The following PXDNL variants were observed in gnomAD, a reference collection of about 807,000 sequenced individuals.
PXDNL encodes the protein probable oxidoreductase PXDNL.
PXDNL carries 145 observed loss-of-function variants against 150.8 expected under a neutral mutation model. That is an observed-to-expected ratio of 0.96 (90% CI 0.84 to 1.10). PXDNL has a LOEUF of 1.10. PXDNL is among the 50% of genes least tolerant of loss of function. The probability of loss-of-function intolerance (pLI) is 0.00; values close to 1 mark genes in which losing one functional copy is unlikely to be tolerated. For missense variants in PXDNL, 2,087 were observed against 1,873.9 expected (o/e 1.11, Z -2.10); for synonymous variants, 757 against 725.7 (o/e 1.04, Z -0.69).
intron 4 of PXDNL, among the ~76,000 whole-genome samples, chr8:51,549,319 G>A (rs1403054749): frequency 6.6e-6 from 1 of 151,830 alleles, no homozygotes; most frequent in African/African-American, 2.4e-5. Context: ...TATACCCTAG[G>A]AAAAATGGAC....
chr8:51,411,286 C>CACGTT lies in PXDNL; in HGVS notation c.2021_2025dup (p.Val676AsnfsTer3). The CACGTT allele has an allele frequency of 6.5e-7, 1 of 1,542,814 alleles. No individual in the cohort carries two copies. The highest frequency in any genetic ancestry group is 8.7e-7 in the Non-Finnish European group (1 of 1,148,450). On this transcript the variant is annotated frameshift_variant, in exon 16 of 23. Coordinates refer to ENST00000356297, the MANE Select transcript of PXDNL (RefSeq NM_144651.5). LOFTEE classifies it high-confidence loss of function. ...AAGTCCACAGTGAGCCCCTGCTTCA[C>CACGTT]ACGTTCCCGTATCAGCTGCAGCGTG... is the stretch of plus-strand genomic sequence containing the variant.
intron 4 of PXDNL, among the ~76,000 whole-genome samples, chr8:51,518,602 G>C (rs1811594159): frequency 6.6e-6 from 1 of 152,096 alleles, no homozygotes; most frequent in Non-Finnish European, 1.5e-5. Flanking sequence ...TCAGTGATGG[G>C]AAAATAGCAT....
Position 51,408,768 on chromosome 8 carries a change from G to A in PXDNL, c.2856C>T (p.Pro952=), listed in dbSNP as rs770597119. Residue 952 remains proline, a synonymous_variant, in exon 17 of 23, where the codon CCC becomes CCT. Transcript: ENST00000356297. ...CCCGGTGGTCCCCGGCCAGGAAACA[G>A]GGGCTCTCCTGCTCCTGTCGCGCGC... ...TECARQEQES[P]CFLAGDHRAN... is the part of the protein sequence containing the mutation. 1.9e-6 allele frequency: 3 copies of A among 1,586,148 alleles called. No homozygotes were observed. The highest frequency in any genetic ancestry group is 1.7e-6 in the Non-Finnish European group (2 of 1,166,740).
chr8:51,759,530 C>T (rs749098017), intron 1 of PXDNL, among the ~76,000 whole-genome samples: 12 of 152,142 alleles, frequency 7.9e-5, no homozygotes, highest in African/African-American at 2.4e-4. Flanking sequence ...AAAATAGGCA[C>T]GCCCTAAATA....
In PXDNL at chr8:51,744,928, A is replaced by AAAAG. The variant is rs1193132745; in HGVS notation, c.164+64249_164+64252dup. 5.0e-3 allele frequency among the ~76,000 whole-genome samples: 441 copies of AAAAG among 88,296 alleles called. 6 individuals carry two copies. The highest frequency in any genetic ancestry group is 0.019 in the African/African-American group (412 of 21,702). 57.9% of individuals were successfully genotyped at this position (88,296 alleles called of 152,430 possible). ...AAGGAAGGAAGGAAGGAAAGAAAGA[A>AAAAG]AAAGAAAGAAAGAAAGAAAGAAAGA... On this transcript the variant is annotated intron_variant, in intron 1 of 22. Transcript: ENST00000356297.
At chr8:51,753,968 C>G (rs1426771256) in intron 1 of PXDNL, among the ~76,000 whole-genome samples, 1 of 152,174 alleles carries the variant, frequency 6.6e-6, no homozygotes, top group African/African-American at 2.4e-5. Context: ...AATTATGTAT[C>G]TCGATTATCA....
At chr8:51,800,674 T>C (rs2037609116) in intron 1 of PXDNL, among the ~76,000 whole-genome samples, 1 of 152,232 alleles carries the variant, frequency 6.6e-6, no homozygotes. Context: ...AAATTAATAC[T>C]TTCATAATTT....
At chr8:51,369,568 A>G (rs757111937) in intron 19 of PXDNL, among the ~76,000 whole-genome samples, 5 of 152,110 alleles carry the variant, frequency 3.3e-5, no homozygotes, top group African/African-American at 4.8e-5. Flanking sequence ...CAAACATTAC[A>G]TTAGGATTGG....
intron 3 of PXDNL, among the ~76,000 whole-genome samples, chr8:51,576,984 A>G (rs1813069170): frequency 6.6e-6 from 1 of 151,984 alleles, no homozygotes; most frequent in Non-Finnish European, 1.5e-5. Context: ...ATAACTATTT[A>G]AAAAATTGAA....
At chr8:51,665,260 C>T (rs759704381) in intron 1 of PXDNL, among the ~76,000 whole-genome samples, 6 of 152,176 alleles carry the variant, frequency 3.9e-5, no homozygotes, top group Admixed American at 1.3e-4. Context: ...AGCGAACCCG[C>T]GGTGGGTCTC....
At position 51,423,682 on chromosome 8, in the gene PXDNL, C is replaced by T. The variant is rs746776828; in HGVS notation, c.1688G>A (p.Gly563Asp). Residue 563 changes from glycine (G) to aspartate (D), a missense_variant, in exon 14 of 23, where the codon GGC becomes GAC. Coordinates refer to ENST00000356297, the MANE Select transcript of PXDNL (RefSeq NM_144651.5). ...CCCTGCGTCGTAGATAGTCAGCGTG[C>T]CTTCATCATCCACATGGAATTTACC... ...ESGKFHVDDEGTLTIYDAGFP... is the reference protein window; with the variant it reads ...ESGKFHVDDEDTLTIYDAGFP... 4 of 1,613,788 alleles carry T rather than the reference C, an allele frequency of 2.5e-6. No individual in the cohort carries two copies. The highest frequency in any genetic ancestry group is 1.7e-6 in the Non-Finnish European group (2 of 1,179,758).
chr8:51,526,384 G>A (rs2130407566), intron 4 of PXDNL, among the ~76,000 whole-genome samples: 1 of 151,596 alleles, frequency 6.6e-6, no homozygotes, highest in South Asian at 2.1e-4. Context: ...GACAGCCTAC[G>A]AGGTCAGTGC....
intron 12 of PXDNL, chr8:51,436,200 A>G: frequency 1.9e-6 from 1 of 522,296 alleles, no homozygotes; most frequent in East Asian, 5.4e-5. Context: ...CCAAAAGCCA[A>G]CCATTCGTGG....
At chr8:51,802,864 A>G (rs2037635333) in intron 1 of PXDNL, among the ~76,000 whole-genome samples, 1 of 152,236 alleles carries the variant, frequency 6.6e-6, no homozygotes, top group African/African-American at 2.4e-5. Flanking sequence ...TTATAGTGGT[A>G]CCTATTTGTT....
At chr8:51,795,109 T>A (rs998693010) in intron 1 of PXDNL, among the ~76,000 whole-genome samples, 5 of 152,160 alleles carry the variant, frequency 3.3e-5, no homozygotes, top group Admixed American at 6.5e-5. Flanking sequence ...CCTAAATGTA[T>A]ATGCACAAAA....
intron 1 of PXDNL, among the ~76,000 whole-genome samples, chr8:51,778,710 C>T (rs956741485): frequency 1.3e-5 from 2 of 152,182 alleles, no homozygotes; most frequent in African/African-American, 2.4e-5. Flanking sequence ...ACATCCAGCT[C>T]GTTCTTCTCT....
intron 1 of PXDNL, among the ~76,000 whole-genome samples, chr8:51,656,982 G>T (rs1046741348): frequency 9.9e-6 from 1 of 100,738 alleles, no homozygotes; most frequent in African/African-American, 2.5e-5. Context: ...GATACTCCTT[G>T]ACTTATGACG....
At chr8:51,341,456 A>G (rs1805982319) in intron 20 of PXDNL, among the ~76,000 whole-genome samples, 1 of 151,746 alleles carries the variant, frequency 6.6e-6, no homozygotes, top group Non-Finnish European at 1.5e-5. Context: ...TTGTTTGTTT[A>G]TTTTCATGAT....
At chr8:51,696,712 GGTT>G (rs1563510028) in intron 1 of PXDNL, among the ~76,000 whole-genome samples, 3 of 1,302 alleles carry the variant, frequency 2.3e-3, no homozygotes, top group African/African-American at 3.2e-3. Flanking sequence ...TCCACACACA[GGTT>G]CACACACATC....
Sources: gnomAD v4.1 joint callset for allele counts (sites outside exome capture counted in the v4.1 genomes callset) on GRCh38, gnomAD v4.1.1 for gene constraint, MANE v1.5 for transcripts, NCBI Gene and HGNC (gene_info 2026-07-23, HGNC 2026-07-21) for gene names.